ATP8A2: variants seen among roughly 807,000 people sequenced by gnomAD.
ATP8A2 encodes phospholipid-transporting ATPase IB.
Under a neutral mutation model 165.6 loss-of-function variants are expected in ATP8A2, and 100 were observed. The observed-to-expected ratio is 0.60, with a 90% CI of 0.51 to 0.71. The LOEUF (loss-of-function observed/expected upper bound fraction) is 0.71. Among genes scored for constraint, ATP8A2 ranks in the 30% least tolerant of loss-of-function variants. ATP8A2 has a pLI of 0.00. For missense variants in ATP8A2, 1,227 were observed against 1,479.5 expected (o/e 0.83, Z 2.80); for synonymous variants, 543 against 548.8 (o/e 0.99, Z 0.15).
intron 24 of ATP8A2, among the ~76,000 whole-genome samples, chr13:25,620,204 C>G (rs1214953797): frequency 6.6e-6 from 1 of 152,144 alleles, no homozygotes; most frequent in Non-Finnish European, 1.5e-5. Context: ...AACTTCAGGA[C>G]AGCAGACACT....
chr13:25,818,169 G>A (rs568394805), intron 27 of ATP8A2, among the ~76,000 whole-genome samples: 1 of 152,306 alleles, frequency 6.6e-6, no homozygotes, highest in South Asian at 2.1e-4. Flanking sequence ...TTAAACTGGA[G>A]TGGTTGCATT....
At chr13:25,633,663 A>G (rs1209746714) in intron 24 of ATP8A2, among the ~76,000 whole-genome samples, 1 of 152,126 alleles carries the variant, frequency 6.6e-6, no homozygotes, top group Non-Finnish European at 1.5e-5. Context: ...GTTGGATGTA[A>G]ATAACATTAT....
intron 24 of ATP8A2, among the ~76,000 whole-genome samples, chr13:25,632,541 CA>C (rs550323487): frequency 7.0e-4 from 106 of 152,290 alleles, no homozygotes; most frequent in Non-Finnish European, 1.5e-3. Flanking sequence ...AGAGCAAATA[CA>C]TATTTCACAA....
chr13:25,626,637 G>A (rs1353767042), intron 24 of ATP8A2, among the ~76,000 whole-genome samples: 1 of 152,162 alleles, frequency 6.6e-6, no homozygotes, highest in Non-Finnish European at 1.5e-5. Flanking sequence ...TACATTGAAA[G>A]ATAAGTAAGA....
rs139651201 is a variant in ATP8A2, at chr13:25,476,289, CT to C, written c.221+7182del. On this transcript the variant is annotated intron_variant, in intron 2 of 36. Coordinates refer to ENST00000381655, the MANE Select transcript of ATP8A2 (RefSeq NM_016529.6). ...ACCAGCATCCTAGTTAGAATCATAA[CT>C]TTTTTTTTTTTTTGAGATGGAGTCT... Among the ~76,000 whole-genome samples the C allele has an allele frequency of 6.4e-3, 923 of 144,912 alleles. 4 individuals are homozygous for C. The highest frequency in any genetic ancestry group is 0.018 in the African/African-American group (708 of 39,860).
chr13:25,590,754 G>T (rs1565958753), intron 24 of ATP8A2, among the ~76,000 whole-genome samples: 1 of 152,146 alleles, frequency 6.6e-6, no homozygotes, highest in Admixed American at 6.5e-5. Context: ...TTAAAGGGAG[G>T]CAATAAAGTA....
At chr13:25,642,669 GT>G (rs2041560171) in intron 24 of ATP8A2, among the ~76,000 whole-genome samples, 1 of 151,822 alleles carries the variant, frequency 6.6e-6, no homozygotes, top group South Asian at 2.1e-4. Context: ...TTCAACCATT[GT>G]GTAAGACCAT....
At chr13:25,939,175 A>G (rs1954998829) in intron 33 of ATP8A2, among the ~76,000 whole-genome samples, 1 of 151,122 alleles carries the variant, frequency 6.6e-6, no homozygotes, top group South Asian at 2.1e-4. Context: ...CATGGGAACT[A>G]CTCTCTCTTT....
chr13:25,533,128 G>T lies in ATP8A2; in HGVS notation c.467-145G>T, dbSNP rs2038168541. The T allele has an allele frequency of 6.4e-6, 4 of 628,378 alleles. No individual in the cohort carries two copies. The East Asian group carries it at 1.1e-4, about 18-fold the overall frequency. The allele number at this position is 628,378 out of a possible 1,614,324, so 38.9% of individuals were successfully genotyped here. On this transcript the variant is annotated intron_variant, in intron 5 of 36. Coordinates refer to ENST00000381655, the MANE Select transcript of ATP8A2 (RefSeq NM_016529.6). ...ACGTTGGTGTTCCATTTTGAGGGTG[G>T]GGGTGCTGATGTTATGCCATCATGG...
intron 16 of ATP8A2, among the ~76,000 whole-genome samples, chr13:25,565,315 A>G (rs1260436552): frequency 3.9e-5 from 6 of 152,180 alleles, no homozygotes; most frequent in Non-Finnish European, 5.9e-5. Flanking sequence ...ACTGTTTTCC[A>G]TAGTGGCTGT....
In ATP8A2 at chr13:25,528,279, T is replaced by A. The variant is rs1435467764; in HGVS notation, c.222-1720T>A. ...AGTTACATATTGTTTAAGTTTTAAC[T>A]CTTTAAAAAGTGGTCTTCATATAAC... On this transcript the variant is annotated intron_variant, in intron 2 of 36. Transcript: ENST00000381655. Among the ~76,000 whole-genome samples the A allele has an allele frequency of 2.0e-5, 3 of 152,230 alleles. No homozygotes were observed. The East Asian group carries it at 5.8e-4, about 29-fold the overall frequency.
At chr13:25,484,737 G>A (rs571363510) in intron 2 of ATP8A2, among the ~76,000 whole-genome samples, 31 of 152,102 alleles carry the variant, frequency 2.0e-4, no homozygotes, top group African/African-American at 7.2e-4. Context: ...GGCTAGCCTC[G>A]AACTCCTGAC....
chr13:25,835,582 G>A (rs1951583963), intron 28 of ATP8A2, among the ~76,000 whole-genome samples: 1 of 152,070 alleles, frequency 6.6e-6, no homozygotes. Context: ...ACGCTCAGCA[G>A]CAAGTGACCC....
Position 25,542,046 on chromosome 13 carries a change from G to A in ATP8A2, c.779G>A (p.Ser260Asn), listed in dbSNP as rs747985877. ...GGAAACTTGAACTTAGATGGGAAAA[G>A]GTATTATATGCCTTTTCTTCATTGT... is the stretch of plus-strand genomic sequence containing the variant. Reference protein sequence around the residue: ...FTGNLNLDGKSLVALGPDQIL... With the variant: ...FTGNLNLDGKNLVALGPDQIL... The change falls in exon 9 of 37, where the codon AGC becomes AAC. Residue 260 changes from serine (S) to asparagine (N), a missense_variant and splice_region_variant. Physicochemically the swap from Ser to Asn is conservative, Grantham distance 46. This residue lies in a region of ATP8A2 where 356 missense variants were observed against 394.9 expected (regional missense o/e 0.90). Transcript: ENST00000381655. 3.1e-6 allele frequency: 5 copies of A among 1,613,742 alleles called. No individual in the cohort carries two copies. In the East Asian group the frequency reaches 8.9e-5, roughly 29 times the overall value.
chr13:25,758,110 T>G (rs1321137062), intron 25 of ATP8A2, among the ~76,000 whole-genome samples: 2 of 152,104 alleles, frequency 1.3e-5, no homozygotes, highest in East Asian at 3.8e-4. Context: ...CCAGGTGGAG[T>G]CAAAAGTTGG....
intron 24 of ATP8A2, among the ~76,000 whole-genome samples, chr13:25,646,881 A>G (rs988261954): frequency 2.6e-5 from 4 of 151,668 alleles, no homozygotes; most frequent in African/African-American, 9.7e-5. Context: ...AATCCATTCT[A>G]TTTTTCTTTG....
At chr13:25,480,593 G>A (rs1010111752) in intron 2 of ATP8A2, among the ~76,000 whole-genome samples, 1 of 151,562 alleles carries the variant, frequency 6.6e-6, no homozygotes, top group African/African-American at 2.4e-5. Flanking sequence ...CTTCCTAGAT[G>A]GGATGGCGGC....
At chr13:25,523,652 A>AT (rs553801056) in intron 2 of ATP8A2, among the ~76,000 whole-genome samples, 131 of 152,188 alleles carry the variant, frequency 8.6e-4, no homozygotes, top group African/African-American at 3.1e-3. Flanking sequence ...TTGTTGGTGC[A>AT]TAATTGTTCA....
At chr13:25,537,277 C>T (rs912390697) in intron 6 of ATP8A2, among the ~76,000 whole-genome samples, 14 of 152,146 alleles carry the variant, frequency 9.2e-5, no homozygotes, top group African/African-American at 3.1e-4. Flanking sequence ...CTTTCAGGTG[C>T]ACTTTTCATG....
Sources: allele counts gnomAD v4.1 joint callset (sites outside exome capture counted in the v4.1 genomes callset), GRCh38; gene constraint gnomAD v4.1.1; regional missense constraint gnomAD v4.1.1; transcripts MANE v1.5; gene names NCBI Gene and HGNC (gene_info 2026-07-23, HGNC 2026-07-21).